The following EFCAB8 variants were observed in gnomAD, a reference collection of about 807,000 sequenced individuals.
EFCAB8 encodes the protein EF-hand calcium-binding domain-containing protein 8.
EFCAB8 carries 100 observed loss-of-function variants against 116.3 expected under a neutral mutation model. The observed-to-expected ratio is 0.86, with a 90% CI of 0.73 to 1.02. The LOEUF (loss-of-function observed/expected upper bound fraction) is 1.02, where lower values mean the gene tolerates loss of function less well. Ranked by LOEUF, EFCAB8 falls within the 50% of genes least tolerant of loss-of-function variation. The pLI, the probability that EFCAB8 is intolerant of heterozygous loss-of-function variation, is 0.00. For synonymous variants in EFCAB8, 558 were observed against 567.9 expected, an observed-to-expected ratio of 0.98 and a Z score of 0.25; for missense variants, 1,320 against 1,416.9, an observed-to-expected ratio of 0.93 and a Z score of 1.10.
At chr20:32,919,996 T>C in intron 19 of EFCAB8, 82 bp from the exon 20 acceptor site, 1 of 1,538,384 alleles carries the variant, frequency 6.5e-7, no homozygotes, top group Non-Finnish European at 8.8e-7. Flanking sequence ...GCCGCTCTTT[T>C]ATCATCTTCC....
At chr20:32,906,103 G>A (rs1479750622) in intron 11 of EFCAB8, among the ~76,000 whole-genome samples, 1 of 152,166 alleles carries the variant, frequency 6.6e-6, no homozygotes, top group Non-Finnish European at 1.5e-5. Flanking sequence ...ACCACACGTA[G>A]CCAGGGTGGG....
chr20:32,910,952 G>C (rs898079958), intron 15 of EFCAB8, among the ~76,000 whole-genome samples: 1 of 152,040 alleles, frequency 6.6e-6, no homozygotes, highest in Admixed American at 6.6e-5. Flanking sequence ...TGGCCAGGCT[G>C]GTCTCAAACT....
chr20:32,867,825 G>A (rs1483145964), intron 3 of EFCAB8, 78 bp downstream of exon 3: 1 of 1,443,640 alleles, frequency 6.9e-7, no homozygotes, highest in Non-Finnish European at 9.2e-7. Context: ...TGTGTGGAGG[G>A]TTCAGACATA....
chr20:32,883,877 G>T (rs918378981), intron 5 of EFCAB8, among the ~76,000 whole-genome samples: 2 of 152,094 alleles, frequency 1.3e-5, no homozygotes, highest in African/African-American at 4.8e-5. Context: ...TTTTAGTAGA[G>T]ATGGGGTTTC....
chr20:32,860,133 T>A (rs915878758), intron 1 of EFCAB8, among the ~76,000 whole-genome samples: 1 of 152,036 alleles, frequency 6.6e-6, no homozygotes, highest in Non-Finnish European at 1.5e-5. Context: ...CATGGAGAAA[T>A]CCTGTTTCTA....
chr20:32,875,464 A>G (rs1984913294), intron 3 of EFCAB8, among the ~76,000 whole-genome samples: 1 of 148,672 alleles, frequency 6.7e-6, no homozygotes, highest in African/African-American at 2.5e-5. Context: ...GGCAGCACCA[A>G]GACTGCCTTG....
Position 32,876,063 on chromosome 20 carries a change from C to CG in EFCAB8, c.327+19_327+20insG. ...CACCTGGGTGAGGAGGGTGCCCCTG[C>CG]TTCCTCAGGTGCTGGAGGGAGGCTG... On this transcript the variant is annotated intron_variant, in intron 4 of 26. Coordinates refer to ENST00000400522, the MANE Select transcript of EFCAB8 (RefSeq NM_001143967.2). The CG allele has an allele frequency of 6.5e-7, 1 of 1,546,212 alleles. No individual in the cohort carries two copies. The highest frequency in any genetic ancestry group is 8.8e-7 in the Non-Finnish European group (1 of 1,142,382).
chr20:32,899,309 G>A (rs1344457809), intron 11 of EFCAB8, among the ~76,000 whole-genome samples: 1 of 150,566 alleles, frequency 6.6e-6, no homozygotes, highest in Non-Finnish European at 1.5e-5. Context: ...GGAGGCTGAG[G>A]CAGGAGAATG....
intron 3 of EFCAB8, among the ~76,000 whole-genome samples, chr20:32,868,471 C>T (rs1426554424): frequency 6.6e-6 from 1 of 152,092 alleles, no homozygotes; most frequent in African/African-American, 2.4e-5. Context: ...TTAAAAATAC[C>T]CCTAGTCCAA....
intron 2 of EFCAB8, 84 bp from the exon 3 acceptor site, chr20:32,867,498 G>C (rs1984483863): frequency 7.1e-7 from 1 of 1,418,248 alleles, no homozygotes; most frequent in Non-Finnish European, 9.5e-7. Flanking sequence ...TTCTCAAAGA[G>C]TCTCTCTTTA....
chr20:32,909,862 C>G lies in EFCAB8; in HGVS notation c.1488C>G (p.Ile496Met), dbSNP rs1294839669. 8.0e-7 allele frequency: 1 copy of G among 1,249,800 alleles called. No homozygotes were observed. The highest frequency in any genetic ancestry group is 1.0e-6 in the Non-Finnish European group (1 of 988,292). 77.4% of individuals were successfully genotyped at this position (1,249,800 alleles called of 1,614,324 possible). A position where few individuals can be genotyped will look rare whatever the true frequency, so the allele number is the denominator to read the frequency against. Reference sequence around the variant, plus strand: ...GGTACTTAGAGGCCCAGGGGCTTATCAAAGCAAGGAAGAGGACCACTCATT... The same window carrying G: ...GGTACTTAGAGGCCCAGGGGCTTATGAAAGCAAGGAAGAGGACCACTCATT... The part of the protein sequence containing the change: ...LKGYLEAQGL[I>M]KARKRTTHCS... The change falls in exon 15 of 27, where the codon ATC becomes ATG. Residue 496 changes from isoleucine to methionine, a missense_variant. Coordinates refer to ENST00000400522, the MANE Select transcript of EFCAB8 (RefSeq NM_001143967.2).
At position 32,867,961 on chromosome 20, in the gene EFCAB8, A is replaced by G. The variant is rs889885664; in HGVS notation, c.208+214A>G. Among the ~76,000 whole-genome samples the G allele has an allele frequency of 1.3e-4, 20 of 151,934 alleles. 1 individual carries two copies. The highest frequency in any genetic ancestry group is 1.3e-3 in the Admixed American group (20 of 15,252). On this transcript the variant is annotated intron_variant, in intron 3 of 26. Transcript: ENST00000400522. ...AAGCGATCCTCCTGTCTCAGCCCCC[A>G]GAGTAGCTGGGACTACATGCACATA...
chr20:32,948,586 A>G (rs906238276), intron 23 of EFCAB8, among the ~76,000 whole-genome samples: 5 of 151,082 alleles, frequency 3.3e-5, no homozygotes, highest in Non-Finnish European at 7.4e-5. Context: ...GAAAGAAAAG[A>G]AAGGAAAAGA....
At chr20:32,924,986 C>A (rs1987616217) in intron 20 of EFCAB8, among the ~76,000 whole-genome samples, 1 of 152,114 alleles carries the variant, frequency 6.6e-6, no homozygotes. Context: ...GTCCAGAGTG[C>A]TTGGGTCATC....
intron 21 of EFCAB8, among the ~76,000 whole-genome samples, 191 bp from the exon 22 acceptor site, chr20:32,930,987 T>C (rs1349783840): frequency 2.6e-5 from 4 of 152,204 alleles, no homozygotes; most frequent in Admixed American, 1.3e-4. Context: ...TCCTGCCTGC[T>C]AATCCAGGAG....
At chr20:32,950,769 C>G (rs192299896) in intron 23 of EFCAB8, among the ~76,000 whole-genome samples, 2 of 152,300 alleles carry the variant, frequency 1.3e-5, no homozygotes, top group East Asian at 3.9e-4. Context: ...TGAAGTTTAG[C>G]AGTTACCCAA....
At chr20:32,908,050 G>A (rs1986759024) in intron 13 of EFCAB8, among the ~76,000 whole-genome samples, 1 of 152,202 alleles carries the variant, frequency 6.6e-6, no homozygotes, top group Non-Finnish European at 1.5e-5. Flanking sequence ...GGCTGGGGGT[G>A]GAGCTGTGCC....
intron 23 of EFCAB8, among the ~76,000 whole-genome samples, chr20:32,947,330 A>G (rs1274519044): frequency 6.6e-6 from 1 of 152,238 alleles, no homozygotes; most frequent in Non-Finnish European, 1.5e-5. Context: ...CATTAATGAT[A>G]TAGAATACTT....
In EFCAB8 at chr20:32,930,517, C is replaced by T; in HGVS notation, c.2532C>T (p.Phe844=). The T allele has an allele frequency of 6.4e-7, 1 of 1,552,276 alleles. No individual in the cohort carries two copies. The highest frequency in any genetic ancestry group is 8.7e-7 in the Non-Finnish European group (1 of 1,147,130). ...LHENGGLLGK[F]PVDLDNGDVV... ...AGAATGGAGGCCTGCTGGGGAAGTT[C>T]CCTGTGGACCTAGACAATGGGGATG... The change falls in exon 21 of 27, where the codon TTC becomes TTT. Residue 844 remains phenylalanine, a synonymous_variant. Coordinates refer to ENST00000400522, the MANE Select transcript of EFCAB8 (RefSeq NM_001143967.2).
Sources: gnomAD v4.1 joint callset for allele counts (sites outside exome capture counted in the v4.1 genomes callset) on GRCh38, gnomAD v4.1.1 for gene constraint, MANE v1.5 for transcripts, NCBI Gene and HGNC (gene_info 2026-07-23, HGNC 2026-07-21) for gene names.